Variants in FAM227B observed in about 807,000 individuals in gnomAD.
The protein encoded by FAM227B is protein FAM227B.
Under a neutral mutation model 73.8 loss-of-function variants are expected in FAM227B, and 88 were observed. The observed-to-expected ratio is 1.19, with a 90% CI of 1.00 to 1.42. The LOEUF is 1.42. Among genes scored for constraint, FAM227B ranks in the 40% most tolerant of loss-of-function variants. FAM227B has a pLI of 0.00. For synonymous variants in FAM227B, 210 were observed against 190.5 expected (o/e 1.10, Z -0.84); for missense variants, 632 against 590.9 (o/e 1.07, Z -0.72).
chr15:49,580,089 A>C (rs2075715792), intron 5 of FAM227B, among the ~76,000 whole-genome samples: 1 of 152,192 alleles, frequency 6.6e-6, no homozygotes, highest in South Asian at 2.1e-4. Flanking sequence ...CAAAAATATA[A>C]ATACATGTTA....
At chr15:49,410,674 T>C (rs1035789382) in intron 11 of FAM227B, among the ~76,000 whole-genome samples, 1 of 152,046 alleles carries the variant, frequency 6.6e-6, no homozygotes, top group East Asian at 1.9e-4. Flanking sequence ...TAAACTTTTA[T>C]CTTAAAAAAA....
intron 13 of FAM227B, among the ~76,000 whole-genome samples, chr15:49,337,508 C>CTTTTTTTTTTTTTTTTTTTTTTTT (rs33973907): frequency 2.8e-5 from 1 of 36,080 alleles, no homozygotes; most frequent in African/African-American, 1.2e-4. Context: ...CATTTACCCA[C>CTTTTTTTTTTTTTTTTTTTTTTTT]TTTTTTTTTT....
In FAM227B at chr15:49,575,120, A is replaced by G. The variant is rs748892697; in HGVS notation, c.547-11T>C. 17 of 1,452,948 alleles carry G rather than the reference A, an allele frequency of 1.2e-5. No individual in the cohort carries two copies. The Admixed American group carries it at 3.2e-4, about 27-fold the overall frequency. The allele number at this position is 1,452,948 out of a possible 1,614,324, so 90.0% of individuals were successfully genotyped here. A position where few individuals can be genotyped will look rare whatever the true frequency, so the allele number is the denominator to read the frequency against. ...TTTAAAAACTCTTTCCTATGGAAAA[A>G]AACAAGAGAGAGATGCATGGAGATT... On this transcript the variant is annotated splice_polypyrimidine_tract_variant and intron_variant, in intron 7 of 15. Transcript: ENST00000299338.
intron 10 of FAM227B, among the ~76,000 whole-genome samples, chr15:49,538,055 G>A (rs1306396561): frequency 3.3e-5 from 5 of 151,980 alleles, no homozygotes; most frequent in Admixed American, 1.3e-4. Flanking sequence ...AAAGAATCAC[G>A]GACAGAAAAT....
chr15:49,393,445 A>G (rs34148901), intron 11 of FAM227B, among the ~76,000 whole-genome samples: 10,013 of 152,260 alleles, frequency 0.066, 471 homozygotes, highest in East Asian at 0.18. Flanking sequence ...CACTGAACAA[A>G]AAACTAAAAT....
intron 10 of FAM227B, among the ~76,000 whole-genome samples, chr15:49,539,905 A>C (rs1363480634): frequency 1.3e-5 from 2 of 152,206 alleles, no homozygotes; most frequent in African/African-American, 4.8e-5. Context: ...TTGGAATATG[A>C]AACATGGACA....
rs186393530 is a variant in FAM227B at position 49,471,570 on chromosome 15, G to A, written c.1012+36641C>T. On this transcript the variant is annotated intron_variant, in intron 11 of 15. Coordinates refer to ENST00000299338, the MANE Select transcript of FAM227B (RefSeq NM_152647.3). ...ATGAATTTATATACAGAAGAAAGATGACAGATATGTAGAGTACTGAACATA... is the reference window on the plus strand; with the variant it reads ...ATGAATTTATATACAGAAGAAAGATAACAGATATGTAGAGTACTGAACATA... 4.0e-5 allele frequency among the ~76,000 whole-genome samples: 6 copies of A among 151,120 alleles called. No homozygotes were observed. The East Asian group carries it at 1.2e-3, about 29-fold the overall frequency.
At chr15:49,527,830 T>C (rs2060315925) in intron 10 of FAM227B, among the ~76,000 whole-genome samples, 1 of 151,668 alleles carries the variant, frequency 6.6e-6, no homozygotes, top group African/African-American at 2.4e-5. Flanking sequence ...GAGAACTACA[T>C]AACACTGATG....
intron 7 of FAM227B, chr15:49,576,492 C>A: frequency 6.5e-6 from 2 of 309,740 alleles, no homozygotes. Context: ...GAAAAAACAC[C>A]TGTTACGGTT....
chr15:49,374,408 G>T lies in FAM227B; in HGVS notation c.1013-3009C>A, dbSNP rs2046026340. Among the ~76,000 whole-genome samples the T allele has an allele frequency of 3.3e-5, 5 of 152,096 alleles. No individual in the cohort carries two copies. In the South Asian group the frequency reaches 1.1e-3, roughly 32 times the overall value. The stretch of plus-strand genomic sequence containing the variant: ...GAGTTGGAATGTACCTTGGAGAGAG[G>T]GGTAGAAAAGAAATGCCAGGAGAAA... On this transcript the variant is annotated intron_variant, in intron 11 of 15. Coordinates refer to ENST00000299338, the MANE Select transcript of FAM227B (RefSeq NM_152647.3).
chr15:49,442,102 G>A (rs2051707858), intron 11 of FAM227B, among the ~76,000 whole-genome samples: 1 of 151,420 alleles, frequency 6.6e-6, no homozygotes, highest in South Asian at 2.1e-4. Context: ...AGTGAATAAA[G>A]GTATTGTAAG....
At chr15:49,378,492 AGT>A (rs34968904) in intron 11 of FAM227B, among the ~76,000 whole-genome samples, 63,642 of 151,400 alleles carry the variant, frequency 0.42, 13,487 homozygotes, top group African/African-American at 0.45. Context: ...GTATTTCATC[AGT>A]GTTTTATAGT....
intron 7 of FAM227B, among the ~76,000 whole-genome samples, chr15:49,575,879 T>C (rs1172917305): frequency 1.3e-5 from 2 of 152,188 alleles, no homozygotes; most frequent in African/African-American, 4.8e-5. Flanking sequence ...CTAGAAAATA[T>C]AAGTTTTGGT....
At chr15:49,530,653 G>A (rs2060539758) in intron 10 of FAM227B, among the ~76,000 whole-genome samples, 1 of 151,664 alleles carries the variant, frequency 6.6e-6, no homozygotes, top group African/African-American at 2.4e-5. Flanking sequence ...CTCTAAAATT[G>A]CTCCAATATT....
intron 11 of FAM227B, chr15:49,489,114 C>T (rs546587055): frequency 6.4e-5 from 17 of 264,918 alleles, no homozygotes; most frequent in Non-Finnish European, 9.3e-5. Flanking sequence ...GTTTCAAAAG[C>T]GATGTTACCT....
At chr15:49,469,820 T>G (rs950579164) in intron 11 of FAM227B, among the ~76,000 whole-genome samples, 2 of 152,144 alleles carry the variant, frequency 1.3e-5, no homozygotes, top group African/African-American at 2.4e-5. Context: ...TGAAACATAT[T>G]GTCATTATCT....
chr15:49,458,642 CT>C (rs1004075350), intron 11 of FAM227B, among the ~76,000 whole-genome samples: 15 of 152,062 alleles, frequency 9.9e-5, no homozygotes, highest in African/African-American at 3.4e-4. Flanking sequence ...TATTTTCTGA[CT>C]TTCATACAAA....
At chr15:49,465,913 T>C (rs2054226638) in intron 11 of FAM227B, among the ~76,000 whole-genome samples, 1 of 152,198 alleles carries the variant, frequency 6.6e-6, no homozygotes, top group Non-Finnish European at 1.5e-5. Context: ...TGTCATTTAT[T>C]GAGGGTGTGT....
At chr15:49,383,848 G>A (rs965582162) in intron 11 of FAM227B, among the ~76,000 whole-genome samples, 2 of 152,048 alleles carry the variant, frequency 1.3e-5, no homozygotes, top group East Asian at 3.9e-4. Flanking sequence ...CCAGGTTGTT[G>A]AGACTCATAA....
Sources: allele counts gnomAD v4.1 joint callset (sites outside exome capture counted in the v4.1 genomes callset), GRCh38; gene constraint gnomAD v4.1.1; transcripts MANE v1.5; gene names NCBI Gene and HGNC (gene_info 2026-07-23, HGNC 2026-07-21).